The following IQCM variants were observed in gnomAD, a reference collection of about 807,000 sequenced individuals.
IQCM encodes IQ domain-containing protein M.
Under a neutral mutation model 57.6 loss-of-function variants are expected in IQCM, and 45 were observed. That is an observed-to-expected ratio of 0.78 (90% confidence interval 0.62 to 1.00). The LOEUF (loss-of-function observed/expected upper bound fraction) is 1.00. Among genes scored for constraint, IQCM ranks in the 50% least tolerant of loss-of-function variants. IQCM has a pLI of 0.00. For synonymous variants in IQCM, 148 were observed against 158.9 expected, an observed-to-expected ratio of 0.93 and a Z score of 0.51; for missense variants, 468 against 511.6, an observed-to-expected ratio of 0.91 and a Z score of 0.82.
chr4:149,417,351 A>C (rs2111200343), intron 13 of IQCM, among the ~76,000 whole-genome samples: 1 of 152,236 alleles, frequency 6.6e-6, no homozygotes, highest in Middle Eastern at 3.4e-3. Flanking sequence ...CTGCATGTTC[A>C]TCTCTTGCAC....
intron 12 of IQCM, among the ~76,000 whole-genome samples, chr4:149,474,179 T>C (rs1431096305): frequency 1.3e-5 from 2 of 149,554 alleles, no homozygotes; most frequent in East Asian, 3.9e-4. Flanking sequence ...GCAGTAACTA[T>C]GAAAAGTAAT....
intron 12 of IQCM, among the ~76,000 whole-genome samples, chr4:149,443,339 A>C (rs1299147578): frequency 6.6e-6 from 1 of 152,096 alleles, no homozygotes; most frequent in African/African-American, 2.4e-5. Flanking sequence ...TACATCATGA[A>C]GTTCATGACA....
chr4:149,729,800 G>C (rs1030979953), intron 5 of IQCM, among the ~76,000 whole-genome samples: 21 of 152,076 alleles, frequency 1.4e-4, no homozygotes, highest in African/African-American at 5.1e-4. Context: ...TGAGATAACG[G>C]GCTGTGTGGT....
At chr4:149,797,148 A>G (rs968505749) in intron 2 of IQCM, among the ~76,000 whole-genome samples, 5 of 152,152 alleles carry the variant, frequency 3.3e-5, no homozygotes, top group African/African-American at 1.2e-4. Context: ...TGTGTAGAGG[A>G]AACTCAAAGA....
chr4:149,648,381 T>C (rs984154504), intron 7 of IQCM, among the ~76,000 whole-genome samples: 2 of 152,194 alleles, frequency 1.3e-5, no homozygotes, highest in East Asian at 3.9e-4. Flanking sequence ...GAACTCATCA[T>C]TTTTTATGGC....
At chr4:149,574,193 A>G (rs754257951) in intron 9 of IQCM, among the ~76,000 whole-genome samples, 7 of 151,988 alleles carry the variant, frequency 4.6e-5, no homozygotes, top group Non-Finnish European at 1.0e-4. Flanking sequence ...CCTCTGAGTT[A>G]GAGAATCACA....
At chr4:149,427,277 C>T (rs1734526710) in intron 13 of IQCM, among the ~76,000 whole-genome samples, 1 of 151,960 alleles carries the variant, frequency 6.6e-6, no homozygotes, top group Non-Finnish European at 1.5e-5. Context: ...ATATAGTAGA[C>T]ACTCAGTTAA....
intron 13 of IQCM, among the ~76,000 whole-genome samples, chr4:149,388,971 G>A (rs1235913776): frequency 6.6e-6 from 1 of 151,330 alleles, no homozygotes; most frequent in East Asian, 1.9e-4. Flanking sequence ...TGTGAAGCAT[G>A]AAGTTTTAAA....
intron 2 of IQCM, among the ~76,000 whole-genome samples, chr4:149,800,627 G>A (rs532154179): frequency 1.3e-5 from 2 of 151,938 alleles, no homozygotes; most frequent in South Asian, 4.1e-4. Flanking sequence ...TATTCGAACT[G>A]AAAAAAATTT....
Position 149,357,023 on chromosome 4 carries a change from C to A in IQCM, c.1391-4957G>T, listed in dbSNP as rs554604696. Among the ~76,000 whole-genome samples, 166 of 152,260 alleles carry A rather than the reference C, an allele frequency of 1.1e-3. 1 individual carries two copies. The highest frequency in any genetic ancestry group is 3.8e-3 in the African/African-American group (158 of 41,556). On this transcript the variant is annotated intron_variant, in intron 13 of 13. Coordinates refer to ENST00000636793, the MANE Select transcript of IQCM (RefSeq NM_001363507.2). ...TTTGAAGCAATTGTGAATGGGAGTT[C>A]ACTCATGATTTGGCTCTCTGTTTGT...
chr4:149,693,017 AAAC>A (rs1168541540), intron 5 of IQCM, among the ~76,000 whole-genome samples: 2 of 152,276 alleles, frequency 1.3e-5, no homozygotes, highest in South Asian at 2.1e-4. Flanking sequence ...CAAAAAAGAA[AAAC>A]AACAACAAAA....
At chr4:149,543,572 T>C (rs1748072824) in intron 12 of IQCM, among the ~76,000 whole-genome samples, 1 of 109,760 alleles carries the variant, frequency 9.1e-6, no homozygotes, top group Non-Finnish European at 1.7e-5. Context: ...TATTCCATGG[T>C]GTATATGTGT....
chr4:149,632,072 G>A (rs1242637616), intron 7 of IQCM, among the ~76,000 whole-genome samples: 1 of 152,328 alleles, frequency 6.6e-6, no homozygotes, highest in African/African-American at 2.4e-5. Context: ...TTAGCTGAGA[G>A]GTGAACCAAC....
At chr4:149,679,842 A>G (rs1307359068) in intron 7 of IQCM, among the ~76,000 whole-genome samples, 1 of 151,458 alleles carries the variant, frequency 6.6e-6, no homozygotes, top group Non-Finnish European at 1.5e-5. Flanking sequence ...GATGTGGAGA[A>G]TAAGCTTTTT....
chr4:149,485,524 C>A (rs1741381966), intron 12 of IQCM, among the ~76,000 whole-genome samples: 1 of 151,810 alleles, frequency 6.6e-6, no homozygotes, highest in African/African-American at 2.4e-5. Context: ...TTCTGCATGT[C>A]AATTCCATTT....
At position 149,362,456 on chromosome 4, in the gene IQCM, G is replaced by A. The variant is rs559163164; in HGVS notation, c.1391-10390C>T. 9.9e-5 allele frequency among the ~76,000 whole-genome samples: 15 copies of A among 152,198 alleles called. No individual in the cohort carries two copies. In the South Asian group the frequency reaches 2.9e-3, roughly 30 times the overall value. On this transcript the variant is annotated intron_variant, in intron 13 of 13. Coordinates refer to ENST00000636793, the MANE Select transcript of IQCM (RefSeq NM_001363507.2). ...CATGTGTTGTGGGAGGGACCCATGG[G>A]GAGGTAATTGAATCATAGGGGCCAG...
At chr4:149,738,900 G>A (rs1767189819) in intron 3 of IQCM, among the ~76,000 whole-genome samples, 1 of 152,156 alleles carries the variant, frequency 6.6e-6, no homozygotes, top group Non-Finnish European at 1.5e-5. Context: ...GACAATGCTA[G>A]CATCATTTAT....
At chr4:149,683,336 T>C (rs1426654470) in intron 6 of IQCM, among the ~76,000 whole-genome samples, 1 of 151,240 alleles carries the variant, frequency 6.6e-6, no homozygotes, top group Non-Finnish European at 1.5e-5. Flanking sequence ...ATTATATAAA[T>C]CTTACATAAA....
chr4:149,617,031 C>A (rs1421278413), intron 8 of IQCM, among the ~76,000 whole-genome samples: 2 of 151,530 alleles, frequency 1.3e-5, no homozygotes, highest in Non-Finnish European at 2.9e-5. Context: ...AATCTCAGCA[C>A]CACAATCTCT....
Sources: allele counts gnomAD v4.1 joint callset (sites outside exome capture counted in the v4.1 genomes callset), GRCh38; gene constraint gnomAD v4.1.1; transcripts MANE v1.5; gene names NCBI Gene and HGNC (gene_info 2026-07-23, HGNC 2026-07-21).